The following KIAA1614 variants were observed in gnomAD, a reference collection of about 807,000 sequenced individuals.
KIAA1614 encodes KIAA1614, also known as uncharacterized protein KIAA1614.
A neutral mutation model predicts 88.7 loss-of-function variants in KIAA1614; 76 were observed. That is an observed-to-expected ratio of 0.86 (90% CI 0.71 to 1.04). The LOEUF is 1.04. Among genes scored for constraint, KIAA1614 ranks in the 50% least tolerant of loss-of-function variants. KIAA1614 has a pLI of 0.00. For synonymous variants in KIAA1614, 714 were observed against 675.5 expected (o/e 1.06, Z -0.88); for missense variants, 1,553 against 1,582.5 (o/e 0.98, Z 0.32).
chr1:180,945,826 CG>C lies in KIAA1614; in HGVS notation c.*241del, dbSNP rs1401190000. ...ACATCTTGAAATTAGAAGCTTAGGC[CG>C]GGCGCAGTGGCTCATGCCTGTAATC... On this transcript the variant is annotated 3_prime_UTR_variant, in exon 9 of 9. Coordinates refer to ENST00000367588, the MANE Select transcript of KIAA1614 (RefSeq NM_020950.2). 8 of 1,305,542 alleles carry C rather than the reference CG, an allele frequency of 6.1e-6. No homozygotes were observed. In the East Asian group the frequency reaches 2.4e-4, roughly 39 times the overall value. The allele number at this position is 1,305,542 out of a possible 1,614,324, so 80.9% of individuals were successfully genotyped here. A position where few individuals can be genotyped will look rare whatever the true frequency, so the allele number is the denominator to read the frequency against.
In KIAA1614 at chr1:180,936,128, G is replaced by A. The variant is rs376947197; in HGVS notation, c.2219G>A (p.Arg740Gln). ...GSHQPHPLDSRTPCRTAYATT... is the reference protein window; with the variant it reads ...GSHQPHPLDSQTPCRTAYATT... Reference sequence around the variant, plus strand: ...CACCAGCCTCACCCTTTGGATTCCCGGACTCCATGCAGGACAGCCTATGCC... The same window carrying A: ...CACCAGCCTCACCCTTTGGATTCCCAGACTCCATGCAGGACAGCCTATGCC... The change falls in exon 5 of 9, where the codon CGG becomes CAG. Residue 740 changes from arginine to glutamine, a missense_variant. Physicochemically the swap from Arg to Gln is conservative, Grantham distance 43. Coordinates refer to ENST00000367588, the MANE Select transcript of KIAA1614 (RefSeq NM_020950.2). 1.1e-4 allele frequency: 179 copies of A among 1,614,122 alleles called. No homozygotes were observed. Among genetic ancestry groups the A allele is most frequent in the Admixed American group, 1.8e-4 (11 of 60,018 alleles).
chr1:180,944,583 T>C, intron 8 of KIAA1614, 67 bp downstream of exon 8: 1 of 1,544,004 alleles, frequency 6.5e-7, no homozygotes, highest in Non-Finnish European at 8.8e-7. Flanking sequence ...AAAGCTTAAC[T>C]CCTTCCTGCC....
Position 180,916,681 on chromosome 1 carries a change from C to T in KIAA1614, c.578C>T (p.Thr193Ile), listed in dbSNP as rs748628464. The T allele has an allele frequency of 2.5e-6, 4 of 1,605,372 alleles. No homozygotes were observed. In the South Asian group the frequency reaches 3.3e-5, roughly 13 times the overall value. The change falls in exon 2 of 9, where the codon ACA (threonine) becomes ATA (isoleucine). Residue 193 changes from threonine (T) to isoleucine (I), a missense_variant. Thr to Ile is a moderately conservative substitution (Grantham distance 89). Coordinates refer to ENST00000367588, the MANE Select transcript of KIAA1614 (RefSeq NM_020950.2). ...GSPWPPEAEWTLPDHDRGPLL... is the reference protein window; with the variant it reads ...GSPWPPEAEWILPDHDRGPLL... ...CCGTGGCCTCCAGAAGCCGAATGGA[C>T]ACTTCCTGACCATGACAGAGGTCCG...
Position 180,941,325 on chromosome 1 carries a change from G to C in KIAA1614, c.3159+40G>C, listed in dbSNP as rs916177726. ...CCCAGCCCAGGGAGTGAAGCCAGTA[G>C]CGGTGCAACCACCATCAGAATGAAA... On this transcript the variant is annotated intron_variant, in intron 7 of 8. Transcript: ENST00000367588. 13 of 1,572,912 alleles carry C rather than the reference G, an allele frequency of 8.3e-6. No homozygotes were observed. In the Admixed American group the frequency reaches 2.0e-4, roughly 24 times the overall value.
At chr1:180,922,836 C>T (rs559452296) in intron 3 of KIAA1614, among the ~76,000 whole-genome samples, 2 of 152,132 alleles carry the variant, frequency 1.3e-5, no homozygotes, top group Admixed American at 6.5e-5. Flanking sequence ...CAGATAGGAT[C>T]GGGCCCCACA....
intron 7 of KIAA1614, among the ~76,000 whole-genome samples, chr1:180,942,366 G>A (rs953128241): frequency 1.3e-5 from 2 of 152,212 alleles, no homozygotes; most frequent in Admixed American, 6.5e-5. Flanking sequence ...GTTCCAGGGA[G>A]TTCAGGTGGT....
At position 180,917,101 on chromosome 1, in the gene KIAA1614, G is replaced by C. The variant is rs1162162970; in HGVS notation, c.997+1G>C. 1.2e-6 allele frequency: 2 copies of C among 1,611,396 alleles called. No individual in the cohort carries two copies. The highest frequency in any genetic ancestry group is 1.7e-6 in the Non-Finnish European group (2 of 1,178,982). Reference sequence around the variant, plus strand: ...CCATCCTGGGACACAGCTGCACCAGGTGAAGCTCACTGTGTAGGTCCAGGT... The same window carrying C: ...CCATCCTGGGACACAGCTGCACCAGCTGAAGCTCACTGTGTAGGTCCAGGT... On this transcript the variant is annotated splice_donor_variant, in intron 2 of 8. Transcript: ENST00000367588. LOFTEE classifies it high-confidence loss of function.
chr1:180,916,775 T>TCCCGGAC lies in KIAA1614; in HGVS notation c.672_673insCCCGGAC (p.Gly225ProfsTer6). The TCCCGGAC allele has an allele frequency of 6.2e-7, 1 of 1,614,212 alleles. No homozygotes were observed. The highest frequency in any genetic ancestry group is 8.5e-7 in the Non-Finnish European group (1 of 1,180,026). ...TTACTCCCGGACGGCCTGGGGGTCC[T>TCCCGGAC]GGTCATTGTAACAAAATCATCCACA... On this transcript the variant is annotated frameshift_variant, in exon 2 of 9. Transcript: ENST00000367588. LOFTEE classifies it high-confidence loss of function.
intron 4 of KIAA1614, among the ~76,000 whole-genome samples, chr1:180,932,983 C>T (rs992573343): frequency 5.3e-5 from 8 of 152,110 alleles, no homozygotes; most frequent in Non-Finnish European, 8.8e-5. Flanking sequence ...TCAGGCAATC[C>T]GACCACCTTG....
chr1:180,926,409 C>T (rs1411609293), intron 3 of KIAA1614, among the ~76,000 whole-genome samples: 1 of 151,184 alleles, frequency 6.6e-6, no homozygotes, highest in Non-Finnish European at 1.5e-5. Context: ...CCTAAAAAGC[C>T]CTGCTTTTCT....
chr1:180,918,151 G>A (rs563038031), intron 3 of KIAA1614, among the ~76,000 whole-genome samples: 8 of 152,250 alleles, frequency 5.3e-5, no homozygotes, highest in African/African-American at 1.9e-4. Flanking sequence ...AGGGAACAAA[G>A]CGCATTGCTA....
At chr1:180,940,857 A>C (rs1000880451) in intron 6 of KIAA1614, among the ~76,000 whole-genome samples, 188 bp from the exon 7 acceptor site, 1 of 151,998 alleles carries the variant, frequency 6.6e-6, no homozygotes, top group African/African-American at 2.4e-5. Flanking sequence ...GACCACAGAC[A>C]GGAGCCACCA....
At position 180,947,582 on chromosome 1, in the gene KIAA1614, A is replaced by G. The variant is rs1009912971; in HGVS notation, c.*1994A>G. On this transcript the variant is annotated 3_prime_UTR_variant, in exon 9 of 9. Transcript: ENST00000367588. ...TACTCTGGACCTCAGGAGGATAAAA[A>G]GTCCTTCCTCACAGGCCTTCCCGTA... is the stretch of plus-strand genomic sequence containing the variant. 5.9e-5 allele frequency: 9 copies of G among 152,258 alleles called. No homozygotes were observed. The East Asian group carries it at 1.7e-3, about 29-fold the overall frequency. 9.4% of individuals were successfully genotyped at this position (152,258 alleles called of 1,614,324 possible).
intron 7 of KIAA1614, 62 bp from the exon 8 acceptor site, chr1:180,944,327 G>A (rs756206308): frequency 3.2e-6 from 5 of 1,580,840 alleles, no homozygotes; most frequent in Non-Finnish European, 4.3e-6. Flanking sequence ...GTGGGGCCAA[G>A]TCCTCTGTCA....
rs1033782011 is a variant in KIAA1614 at position 180,948,819 on chromosome 1, C to A, written c.*3231C>A. 2.0e-5 allele frequency: 3 copies of A among 152,300 alleles called. No individual in the cohort carries two copies. Among genetic ancestry groups the A allele is most frequent in the Non-Finnish European group, 4.4e-5 (3 of 68,114 alleles). The allele number at this position is 152,300 out of a possible 1,614,324, so 9.4% of individuals were successfully genotyped here. ...AAGGCTCGGCTTGGCCAAGAAGCAACAAAAGGGATTCTACACCTCAGACCA... is the reference window on the plus strand; with the variant it reads ...AAGGCTCGGCTTGGCCAAGAAGCAAAAAAAGGGATTCTACACCTCAGACCA... On this transcript the variant is annotated 3_prime_UTR_variant, in exon 9 of 9. Transcript: ENST00000367588.
At chr1:180,922,538 C>T (rs1443824785) in intron 3 of KIAA1614, among the ~76,000 whole-genome samples, 1 of 152,200 alleles carries the variant, frequency 6.6e-6, no homozygotes, top group Non-Finnish European at 1.5e-5. Flanking sequence ...TAAAGACAGG[C>T]AGCCCTAAAG....
At chr1:180,945,266 G>A (rs566185973) in intron 8 of KIAA1614, 37 bp from the exon 9 acceptor site, 1 of 1,559,068 alleles carries the variant, frequency 6.4e-7, no homozygotes, top group Non-Finnish European at 8.6e-7. Flanking sequence ...AGTGCCTGAT[G>A]CTTTTTGCCC....
At chr1:180,931,935 C>T (rs574383447) in intron 4 of KIAA1614, among the ~76,000 whole-genome samples, 2 of 151,950 alleles carry the variant, frequency 1.3e-5, no homozygotes, top group South Asian at 2.1e-4. Context: ...TGCATTGGGT[C>T]GGCTGGGCTG....
intron 3 of KIAA1614, chr1:180,928,052 C>A: frequency 5.8e-6 from 1 of 172,376 alleles, no homozygotes; most frequent in Non-Finnish European, 1.2e-5. Context: ...AGCCCAACAA[C>A]CCCGGGCCCT....
Sources: gnomAD v4.1 joint callset for allele counts (sites outside exome capture counted in the v4.1 genomes callset) on GRCh38, gnomAD v4.1.1 for gene constraint, MANE v1.5 for transcripts, NCBI Gene and HGNC (gene_info 2026-07-23, HGNC 2026-07-21) for gene names.